The following TRABD2A variants were observed in gnomAD, a reference collection of about 807,000 sequenced individuals.
TRABD2A encodes TraB domain containing 2A.
Under a neutral mutation model 45.6 loss-of-function variants are expected in TRABD2A, and 43 were observed. The observed-to-expected ratio is 0.94, with a 90% CI of 0.74 to 1.22. TRABD2A has a LOEUF of 1.22. Ranked by LOEUF, TRABD2A falls within the 50% of genes most tolerant of loss-of-function variation. The pLI, the probability that TRABD2A is intolerant of heterozygous loss-of-function variation, is 0.00. For missense variants in TRABD2A, 642 were observed against 652.4 expected (o/e 0.98, Z 0.17); for synonymous variants, 269 against 265.0 (o/e 1.02, Z -0.15).
intron 1 of TRABD2A, among the ~76,000 whole-genome samples, chr2:84,880,329 G>A (rs967702517): frequency 1.3e-5 from 2 of 152,138 alleles, no homozygotes; most frequent in Admixed American, 6.6e-5. Context: ...AAAGCGCCCG[G>A]CTGGACACGC....
intron 4 of TRABD2A, chr2:84,832,566 G>C (rs1245427839): frequency 6.2e-6 from 1 of 162,038 alleles, no homozygotes; most frequent in Non-Finnish European, 1.4e-5. Context: ...TTGGGAGGCC[G>C]AGGCGGGTGG....
intron 1 of TRABD2A, 145 bp downstream of exon 1, chr2:84,880,787 A>T (rs1174218161): frequency 2.4e-6 from 3 of 1,263,040 alleles, no homozygotes; most frequent in Non-Finnish European, 3.2e-6. Flanking sequence ...GAGGAGAGCG[A>T]GCAAGGAGCG....
chr2:84,848,715 A>G (rs562407381), intron 2 of TRABD2A, among the ~76,000 whole-genome samples: 52 of 151,862 alleles, frequency 3.4e-4, no homozygotes, highest in Admixed American at 2.0e-3. Context: ...AGCTGGGATT[A>G]CAGGCACCCA....
At chr2:84,870,828 A>G (rs763819354) in intron 1 of TRABD2A, 43 bp from the exon 2 acceptor site, 5 of 1,482,198 alleles carry the variant, frequency 3.4e-6, no homozygotes, top group Non-Finnish European at 4.5e-6. Context: ...TATGGGGGAG[A>G]GGCATGGTCA....
intron 5 of TRABD2A, among the ~76,000 whole-genome samples, chr2:84,831,394 G>C (rs1420998399): frequency 6.6e-6 from 1 of 152,168 alleles, no homozygotes; most frequent in Non-Finnish European, 1.5e-5. Flanking sequence ...TACTACAGGG[G>C]AAGGGGAAGG....
At chr2:84,860,204 T>C (rs1559094650) in intron 2 of TRABD2A, among the ~76,000 whole-genome samples, 1 of 152,174 alleles carries the variant, frequency 6.6e-6, no homozygotes, top group African/African-American at 2.4e-5. Flanking sequence ...TTTGCAACTT[T>C]ACCCTGGGTC....
intron 5 of TRABD2A, among the ~76,000 whole-genome samples, chr2:84,829,162 C>A (rs1681236969): frequency 6.6e-6 from 1 of 151,980 alleles, no homozygotes; most frequent in Non-Finnish European, 1.5e-5. Flanking sequence ...ACAGAGAGCC[C>A]ATATAAACCT....
At chr2:84,829,689 C>T (rs1018632508) in intron 5 of TRABD2A, among the ~76,000 whole-genome samples, 17 of 151,030 alleles carry the variant, frequency 1.1e-4, no homozygotes, top group African/African-American at 3.9e-4. Flanking sequence ...CACACATACA[C>T]ACAACACACA....
rs1681628620 is a variant in TRABD2A, at chr2:84,839,319, G to A, written c.821C>T (p.Pro274Leu). ...TGGTAGCGTGGCATTAATAAAATTG[G>A]GAACCTCCACCAAAATAAAGAGAAA... is the stretch of plus-strand genomic sequence containing the variant. ...VILSHDSSQV[P>L]NFINATLPPQ... The change falls in exon 4 of 7, where the codon CCC (proline) becomes CTC (leucine). Residue 274 changes from proline to leucine, a missense_variant. Transcript: ENST00000409520. The A allele has an allele frequency of 6.2e-7, 1 of 1,602,906 alleles. No homozygotes were observed. Among genetic ancestry groups the A allele is most frequent in the Non-Finnish European group, 8.5e-7 (1 of 1,175,102 alleles).
rs1244948903 is a variant in TRABD2A at position 84,839,091 on chromosome 2, C to T, written c.991+58G>A. On this transcript the variant is annotated intron_variant, in intron 4 of 6. Transcript: ENST00000409520. Reference sequence around the variant, plus strand: ...CTAAGCAGGGGCTCACCTCAACATTCCCTTCTTGGGAGAAGCCTCAGATTT... The same window carrying T: ...CTAAGCAGGGGCTCACCTCAACATTTCCTTCTTGGGAGAAGCCTCAGATTT... 4 of 1,593,522 alleles carry T rather than the reference C, an allele frequency of 2.5e-6. No individual in the cohort carries two copies. The Admixed American group carries it at 6.9e-5, about 27-fold the overall frequency.
intron 2 of TRABD2A, among the ~76,000 whole-genome samples, chr2:84,848,375 T>TAGATAGATAGATAGATAGACAGAC (rs1315427907): frequency 2.5e-5 from 2 of 80,590 alleles, no homozygotes; most frequent in Non-Finnish European, 5.1e-5. Context: ...GATAGATAGA[T>TAGATAGATAGATAGATAGACAGAC]AGACAGACAG....
chr2:84,855,441 TA>T (rs919244091), intron 2 of TRABD2A, among the ~76,000 whole-genome samples: 14 of 151,192 alleles, frequency 9.3e-5, no homozygotes, highest in African/African-American at 3.2e-4. Flanking sequence ...TCCCTTTTTT[TA>T]AAAAAAAATG....
At chr2:84,834,385 G>C (rs1377919199) in intron 4 of TRABD2A, 2 of 152,202 alleles carry the variant, frequency 1.3e-5, no homozygotes, top group Admixed American at 1.3e-4. Flanking sequence ...TGAGCATAAT[G>C]TGGGAGCCAA....
chr2:84,830,425 C>T lies in TRABD2A; in HGVS notation c.1082+1630G>A, dbSNP rs1407426696. 6.6e-6 allele frequency among the ~76,000 whole-genome samples: 1 copy of T among 151,930 alleles called. No individual in the cohort carries two copies. Among genetic ancestry groups the T allele is most frequent in the Non-Finnish European group, 1.5e-5 (1 of 68,008 alleles). Reference sequence around the variant, plus strand: ...TAGGGTCTGAGTGCCAAGACCTCCGCGTGAAGACAATGACCTTGAAAAAGA... The same window carrying T: ...TAGGGTCTGAGTGCCAAGACCTCCGTGTGAAGACAATGACCTTGAAAAAGA... On this transcript the variant is annotated intron_variant, in intron 5 of 6. Transcript: ENST00000409520. This position sits in a 1 kb window ranked among gnomAD's most constrained non-coding sequence, Gnocchi z 4.9.
intron 1 of TRABD2A, among the ~76,000 whole-genome samples, chr2:84,871,085 G>A (rs571888074): frequency 1.3e-5 from 2 of 152,108 alleles, no homozygotes; most frequent in Non-Finnish European, 2.9e-5. Context: ...TGATCTGATT[G>A]GTCTGGGATG....
At chr2:84,866,292 C>T (rs985642954) in intron 2 of TRABD2A, among the ~76,000 whole-genome samples, 4 of 152,110 alleles carry the variant, frequency 2.6e-5, no homozygotes, top group Admixed American at 2.6e-4. Context: ...GGAGCATGGC[C>T]CAAGAGAATC....
intron 2 of TRABD2A, among the ~76,000 whole-genome samples, chr2:84,867,423 C>G (rs573318022): frequency 6.6e-6 from 1 of 152,094 alleles, no homozygotes; most frequent in African/African-American, 2.4e-5. Context: ...ACACCTTATA[C>G]AAAAATTAAT....
chr2:84,833,716 C>T (rs1341597016), intron 4 of TRABD2A: 1 of 151,814 alleles, frequency 6.6e-6, no homozygotes, highest in East Asian at 2.0e-4. Flanking sequence ...AGGAATATAA[C>T]TTTGCCTTAG....
intron 2 of TRABD2A, among the ~76,000 whole-genome samples, chr2:84,865,718 G>A (rs1201129960): frequency 1.3e-5 from 2 of 152,178 alleles, no homozygotes; most frequent in African/African-American, 4.8e-5. Flanking sequence ...ATGCTTAGAT[G>A]GGCAGAGCAG....
Sources: allele counts gnomAD v4.1 joint callset (sites outside exome capture counted in the v4.1 genomes callset), GRCh38; gene constraint gnomAD v4.1.1; non-coding constraint Gnocchi (gnomAD v3.1); transcripts MANE v1.5; gene names NCBI Gene and HGNC (gene_info 2026-07-23, HGNC 2026-07-21).